The following MAP2K6 variants were observed in gnomAD, a reference collection of about 807,000 sequenced individuals.
MAP2K6 encodes dual specificity mitogen-activated protein kinase kinase 6.
Under a neutral mutation model 53.7 loss-of-function variants are expected in MAP2K6, and 16 were observed. The observed-to-expected ratio is 0.30, with a 90% CI of 0.20 to 0.45. MAP2K6 has a LOEUF of 0.45. Ranked by LOEUF, MAP2K6 falls within the 20% of genes least tolerant of loss-of-function variation. MAP2K6 has a pLI of 1.00. For missense variants in MAP2K6, 204 were observed against 411.9 expected, an observed-to-expected ratio of 0.50 and a Z score of 4.37; for synonymous variants, 132 against 143.1, an observed-to-expected ratio of 0.92 and a Z score of 0.55.
chr17:69,541,046 G>A (rs1053154127), intron 11 of MAP2K6, among the ~76,000 whole-genome samples: 8 of 152,116 alleles, frequency 5.3e-5, no homozygotes, highest in African/African-American at 1.4e-4. Context: ...GGCAGATCAC[G>A]AGGTCAGGAG....
intron 1 of MAP2K6, among the ~76,000 whole-genome samples, chr17:69,470,002 G>C (rs1003539119): frequency 6.6e-6 from 1 of 152,052 alleles, no homozygotes; most frequent in African/African-American, 2.4e-5. Context: ...AGGAGTTCAA[G>C]ACCAACCTGG....
At chr17:69,444,750 G>T (rs1906920708) in intron 1 of MAP2K6, among the ~76,000 whole-genome samples, 1 of 152,102 alleles carries the variant, frequency 6.6e-6, no homozygotes, top group African/African-American at 2.4e-5. Context: ...TTCTATAAGG[G>T]ATAGCAGACT....
chr17:69,499,904 G>A (rs896905463), intron 1 of MAP2K6, among the ~76,000 whole-genome samples: 11 of 152,184 alleles, frequency 7.2e-5, no homozygotes, highest in Non-Finnish European at 1.6e-4. Context: ...CTCATATTGT[G>A]TTGCAGGCTG....
chr17:69,516,372 A>G (rs1910143594), intron 2 of MAP2K6, among the ~76,000 whole-genome samples: 1 of 152,094 alleles, frequency 6.6e-6, no homozygotes, highest in Non-Finnish European at 1.5e-5. Context: ...CTGACAGGAG[A>G]TGGAGCTCAA....
intron 1 of MAP2K6, among the ~76,000 whole-genome samples, chr17:69,468,046 A>G (rs1165963515): frequency 1.3e-5 from 2 of 152,114 alleles, no homozygotes; most frequent in Admixed American, 1.3e-4. Flanking sequence ...AATTACAGGC[A>G]TGAGCCATCA....
chr17:69,498,090 A>T (rs1036099904), intron 1 of MAP2K6, among the ~76,000 whole-genome samples: 4 of 152,146 alleles, frequency 2.6e-5, no homozygotes, highest in African/African-American at 9.6e-5. Flanking sequence ...TTGCATCTTA[A>T]TAAGTTTTGA....
intron 1 of MAP2K6, among the ~76,000 whole-genome samples, chr17:69,469,944 G>A (rs1243151120): frequency 1.3e-5 from 2 of 152,108 alleles, no homozygotes; most frequent in African/African-American, 2.4e-5. Context: ...CCTCATGCCT[G>A]TAATCCCAGA....
intron 9 of MAP2K6, 111 bp downstream of exon 9, chr17:69,525,089 C>CT (rs1910698704): frequency 1.3e-6 from 1 of 785,802 alleles, no homozygotes; most frequent in South Asian, 1.5e-5. Flanking sequence ...GGGGCGCCCT[C>CT]TCCTGCTGAG....
chr17:69,509,823 T>G (rs577446124), intron 2 of MAP2K6, among the ~76,000 whole-genome samples: 2 of 152,096 alleles, frequency 1.3e-5, no homozygotes, highest in South Asian at 4.2e-4. Context: ...CTCAGTATAC[T>G]GAGAGGTTCT....
intron 1 of MAP2K6, among the ~76,000 whole-genome samples, chr17:69,467,892 A>G (rs1439467459): frequency 6.6e-6 from 1 of 151,924 alleles, no homozygotes; most frequent in Non-Finnish European, 1.5e-5. Flanking sequence ...CAGCCTCCCA[A>G]GTAGCTGGGA....
chr17:69,455,923 C>T (rs1189459203), intron 1 of MAP2K6, among the ~76,000 whole-genome samples: 3 of 145,304 alleles, frequency 2.1e-5, no homozygotes, highest in Non-Finnish European at 3.0e-5. Context: ...TGCAATGGCG[C>T]GATCTTGGCT....
chr17:69,501,612 A>G (rs1451495713), intron 1 of MAP2K6: 1 of 152,156 alleles, frequency 6.6e-6, no homozygotes, highest in Non-Finnish European at 1.5e-5. Flanking sequence ...GTGGGATTAC[A>G]CTATTTTCAG....
Position 69,550,791 on chromosome 17 carries a change from T to C in MAP2K6, c.*9038T>C, listed in dbSNP as rs1385628278. 1 of 152,316 alleles carries C rather than the reference T, an allele frequency of 6.6e-6. No homozygotes were observed. Among genetic ancestry groups the C allele is most frequent in the South Asian group, 2.1e-4 (1 of 4,822 alleles). 9.4% of individuals were successfully genotyped at this position (152,316 alleles called of 1,614,324 possible). A position where few individuals can be genotyped will look rare whatever the true frequency, so the allele number is the denominator to read the frequency against. Reference sequence around the variant, plus strand: ...ATCTGGCTTCTAGTATTGTTCCTTTTAACTGGAAGTCTCTGTGGCCATTAA... The same window carrying C: ...ATCTGGCTTCTAGTATTGTTCCTTTCAACTGGAAGTCTCTGTGGCCATTAA... On this transcript the variant is annotated 3_prime_UTR_variant, in exon 12 of 12. Coordinates refer to ENST00000590474, the MANE Select transcript of MAP2K6 (RefSeq NM_002758.4).
chr17:69,418,162 C>A (rs866594941), intron 1 of MAP2K6, among the ~76,000 whole-genome samples: 2 of 152,170 alleles, frequency 1.3e-5, no homozygotes, highest in South Asian at 4.1e-4. Context: ...TGTTTTATAA[C>A]CCCGTACATC....
intron 2 of MAP2K6, among the ~76,000 whole-genome samples, chr17:69,512,356 T>TTTTTTTTTTTTTG (rs1382739219): frequency 7.2e-6 from 1 of 138,412 alleles, no homozygotes; most frequent in African/African-American, 2.8e-5. Context: ...TTTTTTTTTT[T>TTTTTTTTTTTTTG]TGAGACAGAG....
rs1911978055 is a variant in MAP2K6 at position 69,548,748 on chromosome 17, TA to T, written c.*6996del. The T allele has an allele frequency of 6.6e-6, 1 of 152,190 alleles. No individual in the cohort carries two copies. Among genetic ancestry groups the T allele is most frequent in the African/African-American group, 2.4e-5 (1 of 41,460 alleles). The allele number at this position is 152,190 out of a possible 1,614,324, so 9.4% of individuals were successfully genotyped here. A position where few individuals can be genotyped will look rare whatever the true frequency, so the allele number is the denominator to read the frequency against. On this transcript the variant is annotated 3_prime_UTR_variant, in exon 12 of 12. Transcript: ENST00000590474. The stretch of plus-strand genomic sequence containing the variant: ...CCTGGTGACTACATAGAAGATGTGT[TA>T]TTTTTCTGAGGTTTAGAAAGTCACT...
At chr17:69,523,663 G>A (rs1157466881) in intron 8 of MAP2K6, 22 bp downstream of exon 8, 2 of 1,611,490 alleles carry the variant, frequency 1.2e-6, no homozygotes, top group Admixed American at 1.7e-5. Context: ...AGCTAGGGTG[G>A]CATCTGGTAA....
intron 2 of MAP2K6, among the ~76,000 whole-genome samples, chr17:69,515,740 A>T (rs374745346): frequency 1.3e-5 from 2 of 152,318 alleles, no homozygotes. Flanking sequence ...AGTAGAGAGG[A>T]TGCAGAACTG....
intron 10 of MAP2K6, among the ~76,000 whole-genome samples, chr17:69,530,172 G>A (rs905599296): frequency 6.6e-6 from 1 of 152,078 alleles, no homozygotes; most frequent in Non-Finnish European, 1.5e-5. Context: ...CAAATTAGCT[G>A]GGTGTGGTGG....
Sources: gnomAD v4.1 joint callset for allele counts (sites outside exome capture counted in the v4.1 genomes callset) on GRCh38, gnomAD v4.1.1 for gene constraint, MANE v1.5 for transcripts, NCBI Gene and HGNC (gene_info 2026-07-23, HGNC 2026-07-21) for gene names.